The following ARHGAP10 variants were observed in gnomAD, a reference collection of about 807,000 sequenced individuals.
ARHGAP10 encodes the protein Rho GTPase activating protein 10.
Under a neutral mutation model 108.6 loss-of-function variants are expected in ARHGAP10, and 87 were observed. The ratio of observed to expected loss-of-function variants is 0.80; its 90% CI spans 0.67 to 0.96. ARHGAP10 has a LOEUF of 0.96. Among genes scored for constraint, ARHGAP10 ranks in the 40% least tolerant of loss-of-function variants. ARHGAP10 has a pLI of 0.00. For synonymous variants in ARHGAP10, 347 were observed against 341.1 expected (o/e 1.02, Z -0.19); for missense variants, 939 against 954.5 (o/e 0.98, Z 0.21).
At chr4:148,007,786 C>A (rs1741009354) in intron 18 of ARHGAP10, among the ~76,000 whole-genome samples, 1 of 152,184 alleles carries the variant, frequency 6.6e-6, no homozygotes, top group Non-Finnish European at 1.5e-5. Context: ...CAAGGTTATT[C>A]CTCTTCCACT....
At chr4:147,839,424 G>C (rs530905519) in intron 3 of ARHGAP10, among the ~76,000 whole-genome samples, 5 of 152,110 alleles carry the variant, frequency 3.3e-5, no homozygotes, top group Non-Finnish European at 7.4e-5. Context: ...TCTGGGGAAC[G>C]GATGTAAAAT....
chr4:147,847,346 A>G, intron 4 of ARHGAP10, 124 bp downstream of exon 4: 1 of 909,120 alleles, frequency 1.1e-6, no homozygotes, highest in Non-Finnish European at 1.7e-6. Flanking sequence ...TTTTGTTTGA[A>G]ATGTGCTTTT....
At chr4:147,876,629 C>T (rs1735074082) in intron 8 of ARHGAP10, among the ~76,000 whole-genome samples, 1 of 152,064 alleles carries the variant, frequency 6.6e-6, no homozygotes, top group African/African-American at 2.4e-5. Flanking sequence ...CAAAAAACCA[C>T]CTCGATAGTC....
chr4:147,969,791 A>C (rs112322419), intron 18 of ARHGAP10, among the ~76,000 whole-genome samples: 4,113 of 152,342 alleles, frequency 0.027, 163 homozygotes, highest in African/African-American at 0.084. Context: ...CCTCGCTTTC[A>C]GAGCTTTATA....
chr4:147,966,948 T>G (rs1487622184), intron 18 of ARHGAP10, 109 bp downstream of exon 18: 1 of 1,059,964 alleles, frequency 9.4e-7, no homozygotes, highest in Non-Finnish European at 1.3e-6. Context: ...AAAAAATTCT[T>G]TCATTCTCAC....
chr4:147,814,328 GAAAATAAAT>G (rs1732147817), intron 1 of ARHGAP10, among the ~76,000 whole-genome samples: 1 of 151,878 alleles, frequency 6.6e-6, no homozygotes, highest in Non-Finnish European at 1.5e-5. Flanking sequence ...TTATTTGAAG[GAAAATAAAT>G]ATTAAAGAAT....
intron 4 of ARHGAP10, 33 bp from the exon 5 acceptor site, chr4:147,857,520 T>A: frequency 1.4e-6 from 2 of 1,418,796 alleles, no homozygotes; most frequent in Non-Finnish European, 1.9e-6. Context: ...TCCTTTTGTT[T>A]CTGTTTAATC....
intron 20 of ARHGAP10, among the ~76,000 whole-genome samples, chr4:148,051,725 A>G (rs1042997563): frequency 1.4e-4 from 22 of 152,224 alleles, no homozygotes; most frequent in Admixed American, 1.4e-3. Context: ...TATCCCAGCT[A>G]GTGCCTCAAG....
chr4:147,953,674 C>T (rs1738690568), intron 15 of ARHGAP10, among the ~76,000 whole-genome samples: 1 of 151,862 alleles, frequency 6.6e-6, no homozygotes, highest in Non-Finnish European at 1.5e-5. Context: ...CTGGATTGAT[C>T]AATTTTACTG....
intron 16 of ARHGAP10, among the ~76,000 whole-genome samples, chr4:147,961,133 A>G (rs760653439): frequency 1.3e-5 from 2 of 152,206 alleles, no homozygotes; most frequent in Non-Finnish European, 2.9e-5. Context: ...ACTGCCAAAC[A>G]GTTCTTCAGA....
intron 1 of ARHGAP10, among the ~76,000 whole-genome samples, chr4:147,751,538 G>C (rs1368269520): frequency 6.6e-6 from 1 of 151,500 alleles, no homozygotes; most frequent in African/African-American, 2.4e-5. Flanking sequence ...CATTTTTTTT[G>C]TATTTTTAGT....
intron 10 of ARHGAP10, among the ~76,000 whole-genome samples, chr4:147,901,542 G>A (rs933942860): frequency 6.6e-6 from 1 of 152,166 alleles, no homozygotes; most frequent in Non-Finnish European, 1.5e-5. Flanking sequence ...CAACAAATTT[G>A]TTCTCTGCTG....
chr4:148,001,394 C>T (rs960147188), intron 18 of ARHGAP10, among the ~76,000 whole-genome samples: 10 of 152,174 alleles, frequency 6.6e-5, no homozygotes, highest in South Asian at 6.2e-4. Context: ...CTTGGCAATG[C>T]GGGCCCTTTT....
At chr4:148,008,967 G>GA (rs1000192939) in intron 18 of ARHGAP10, among the ~76,000 whole-genome samples, 1 of 151,784 alleles carries the variant, frequency 6.6e-6, no homozygotes, top group African/African-American at 2.4e-5. Context: ...TTTTGCTTTG[G>GA]AAAAATCATT....
chr4:147,778,576 G>A (rs760509113), intron 1 of ARHGAP10, among the ~76,000 whole-genome samples: 13 of 152,160 alleles, frequency 8.5e-5, no homozygotes, highest in Non-Finnish European at 1.5e-4. Flanking sequence ...TGAGAAATTT[G>A]TAGTAAATAT....
intron 18 of ARHGAP10, among the ~76,000 whole-genome samples, chr4:147,971,972 G>C (rs936222436): frequency 6.6e-6 from 1 of 152,126 alleles, no homozygotes; most frequent in East Asian, 1.9e-4. Context: ...GGTTTGTAAG[G>C]GGTCTTGGGG....
chr4:147,995,979 A>G (rs1740459538), intron 18 of ARHGAP10, among the ~76,000 whole-genome samples: 1 of 152,146 alleles, frequency 6.6e-6, no homozygotes, highest in Non-Finnish European at 1.5e-5. Flanking sequence ...AGCCTCCCAA[A>G]GTGCTGGGAT....
At chr4:147,769,583 T>C (rs1269383423) in intron 1 of ARHGAP10, among the ~76,000 whole-genome samples, 1 of 152,124 alleles carries the variant, frequency 6.6e-6, no homozygotes, top group Non-Finnish European at 1.5e-5. Flanking sequence ...AGATGATTAA[T>C]ACTTACGGTG....
intron 20 of ARHGAP10, among the ~76,000 whole-genome samples, chr4:148,054,747 G>T (rs983080049): frequency 1.5e-4 from 23 of 152,276 alleles, no homozygotes; most frequent in Middle Eastern, 3.4e-3. Context: ...AAAGCATGGG[G>T]AACCTACTGA....
Sources: gnomAD v4.1 joint callset for allele counts (sites outside exome capture counted in the v4.1 genomes callset) on GRCh38, gnomAD v4.1.1 for gene constraint, MANE v1.5 for transcripts, NCBI Gene and HGNC (gene_info 2026-07-23, HGNC 2026-07-21) for gene names.